The following TSHZ2 variants were observed in gnomAD, a reference collection of about 807,000 sequenced individuals.
The protein encoded by TSHZ2 is teashirt zinc finger homeobox 2.
A neutral mutation model predicts 74.4 loss-of-function variants in TSHZ2; 21 were observed. The ratio of observed to expected loss-of-function variants is 0.28; its 90% CI spans 0.20 to 0.41. TSHZ2 has a LOEUF of 0.41. TSHZ2 is among the 10% of genes least tolerant of loss of function. TSHZ2 has a pLI of 1.00. For synonymous variants in TSHZ2, 540 were observed against 515.3 expected (o/e 1.05, Z -0.65); for missense variants, 1,244 against 1,293.5 (o/e 0.96, Z 0.59).
At chr20:53,486,933 T>A (rs567718517) in intron 2 of TSHZ2, among the ~76,000 whole-genome samples, 1 of 152,126 alleles carries the variant, frequency 6.6e-6, no homozygotes, top group Non-Finnish European at 1.5e-5. Flanking sequence ...CACTTATGAG[T>A]GAGAACATAC....
At chr20:53,067,398 C>T (rs1985026044) in intron 1 of TSHZ2, among the ~76,000 whole-genome samples, 1 of 152,214 alleles carries the variant, frequency 6.6e-6, no homozygotes, top group East Asian at 1.9e-4. Context: ...ATGTCACTTG[C>T]AGGCTCCAGT....
chr20:53,372,463 T>C (rs1214374577), intron 2 of TSHZ2, among the ~76,000 whole-genome samples: 1 of 150,814 alleles, frequency 6.6e-6, no homozygotes. Context: ...GGTGACAGAG[T>C]GAGATCTTGT....
chr20:53,255,429 G>C lies in TSHZ2; in HGVS notation c.1971G>C (p.Leu657=). 6.2e-7 allele frequency: 1 copy of C among 1,612,850 alleles called. No individual in the cohort carries two copies. ...GTCCCCTGAAGGAGGAGGAGAAGCT[G>C]ATGAAAGAGGGCAGCGAGAAGGAGA... ...ELGPLKEEEK[L]MKEGSEKEKP... is the part of the protein sequence containing the mutation. Residue 657 remains leucine, a synonymous_variant, in exon 2 of 3, where the codon CTG becomes CTC. Coordinates refer to ENST00000371497, the MANE Select transcript of TSHZ2 (RefSeq NM_173485.6). This position sits in a 1 kb window ranked among gnomAD's most constrained non-coding sequence, Gnocchi z 4.1.
chr20:53,473,929 A>G (rs1985910107), intron 2 of TSHZ2, among the ~76,000 whole-genome samples: 1 of 152,164 alleles, frequency 6.6e-6, no homozygotes, highest in Admixed American at 6.6e-5. Flanking sequence ...GAAATGAATG[A>G]AATGAAGCGA....
intron 2 of TSHZ2, among the ~76,000 whole-genome samples, chr20:53,273,025 C>T (rs1990870318): frequency 1.3e-5 from 2 of 152,280 alleles, no homozygotes; most frequent in Admixed American, 1.3e-4. Flanking sequence ...AACTTGGAAG[C>T]AGAACATCCC....
At chr20:52,982,167 G>C (rs1314312244) in intron 1 of TSHZ2, among the ~76,000 whole-genome samples, 1 of 152,210 alleles carries the variant, frequency 6.6e-6, no homozygotes, top group Non-Finnish European at 1.5e-5. Context: ...TAACTTTCAA[G>C]TATAATCCCT....
At chr20:53,248,247 A>T (rs57105647) in intron 1 of TSHZ2, among the ~76,000 whole-genome samples, 29,263 of 147,692 alleles carry the variant, frequency 0.2, 3,122 homozygotes, top group African/African-American at 0.26. Context: ...TTTTTTTTTT[A>T]TTTTTTTTGT....
intron 1 of TSHZ2, among the ~76,000 whole-genome samples, chr20:53,192,564 A>G (rs959303267): frequency 7.0e-6 from 1 of 142,272 alleles, no homozygotes; most frequent in African/African-American, 2.8e-5. Context: ...AGTGTCTGGA[A>G]AAAAAAAAAA....
At chr20:53,052,125 CA>C (rs1984490863) in intron 1 of TSHZ2, among the ~76,000 whole-genome samples, 2 of 152,178 alleles carry the variant, frequency 1.3e-5, no homozygotes, top group African/African-American at 4.8e-5. Context: ...CATCAAATGA[CA>C]ACTCCCCATT....
chr20:52,984,527 G>A (rs879792781), intron 1 of TSHZ2, among the ~76,000 whole-genome samples: 1 of 152,188 alleles, frequency 6.6e-6, no homozygotes, highest in Admixed American at 6.5e-5. Flanking sequence ...CTACTGGGAG[G>A]AACAGGAGGA....
chr20:53,055,425 AC>A (rs1331642568), intron 1 of TSHZ2, among the ~76,000 whole-genome samples: 1 of 152,226 alleles, frequency 6.6e-6, no homozygotes, highest in Non-Finnish European at 1.5e-5. Context: ...AATAATTCAG[AC>A]AAGGCTTCAG....
intron 1 of TSHZ2, among the ~76,000 whole-genome samples, chr20:53,201,659 G>A (rs6126781): frequency 0.052 from 7,849 of 152,170 alleles, 477 homozygotes; most frequent in East Asian, 0.31. Context: ...CCATGATCTC[G>A]CCTGTCACAA....
intron 1 of TSHZ2, among the ~76,000 whole-genome samples, chr20:53,117,737 G>A (rs533065727): frequency 3.9e-5 from 6 of 152,202 alleles, no homozygotes; most frequent in East Asian, 3.8e-4. Context: ...CTGATACACC[G>A]TATTTTAAAG....
At chr20:53,187,432 A>G (rs1257077783) in intron 1 of TSHZ2, among the ~76,000 whole-genome samples, 1 of 152,218 alleles carries the variant, frequency 6.6e-6, no homozygotes, top group African/African-American at 2.4e-5. Context: ...TCGAGCTTTG[A>G]TAAATGGCTA....
chr20:52,993,071 A>G (rs1982052372), intron 1 of TSHZ2, among the ~76,000 whole-genome samples: 1 of 152,222 alleles, frequency 6.6e-6, no homozygotes, highest in African/African-American at 2.4e-5. Flanking sequence ...GAAAGTTACC[A>G]TAAAAACATC....
chr20:53,099,589 A>G (rs747098667), intron 1 of TSHZ2, among the ~76,000 whole-genome samples: 1 of 152,208 alleles, frequency 6.6e-6, no homozygotes, highest in East Asian at 1.9e-4. Context: ...TTTATAAAGA[A>G]AAAGAGGTTT....
chr20:53,408,976 G>T (rs2145692823), intron 2 of TSHZ2, among the ~76,000 whole-genome samples: 1 of 152,314 alleles, frequency 6.6e-6, no homozygotes, highest in South Asian at 2.1e-4. Flanking sequence ...GACGGTCACT[G>T]ATTCCCTCTC....
chr20:53,269,797 T>TAAAAAAAA (rs55746415), intron 2 of TSHZ2, among the ~76,000 whole-genome samples: 2 of 144,374 alleles, frequency 1.4e-5, no homozygotes, highest in African/African-American at 5.2e-5. Flanking sequence ...TAGAGTATAA[T>TAAAAAAAA]AAAAAAAAAA....
chr20:53,352,851 T>C (rs1251985555), intron 2 of TSHZ2, among the ~76,000 whole-genome samples: 1 of 151,928 alleles, frequency 6.6e-6, no homozygotes, highest in African/African-American at 2.4e-5. Context: ...GAAAAATTAT[T>C]TGGAGGTGCA....
Sources: gnomAD v4.1 joint callset for allele counts (sites outside exome capture counted in the v4.1 genomes callset) on GRCh38, gnomAD v4.1.1 for gene constraint, Gnocchi (gnomAD v3.1) non-coding constraint, MANE v1.5 for transcripts, NCBI Gene and HGNC (gene_info 2026-07-23, HGNC 2026-07-21) for gene names.